Variants in TMEM17 observed in about 807,000 individuals in gnomAD.
The protein encoded by TMEM17 is transmembrane protein 17.
A neutral mutation model predicts 19.1 loss-of-function variants in TMEM17; 15 were observed. The ratio of observed to expected loss-of-function variants is 0.78; its 90% CI spans 0.52 to 1.21. The LOEUF is 1.21. Ranked by LOEUF, TMEM17 falls within the 50% of genes most tolerant of loss-of-function variation. The pLI, the probability that TMEM17 is intolerant of heterozygous loss-of-function variation, is 0.00. For missense variants in TMEM17, 245 were observed against 242.3 expected, an observed-to-expected ratio of 1.01 and a Z score of -0.07; for synonymous variants, 103 against 86.9, an observed-to-expected ratio of 1.19 and a Z score of -1.03.
At chr2:62,484,965 G>T in the TMEM17 span, among the ~76,000 whole-genome samples, 7 of 152,112 alleles carry the variant, frequency 4.6e-5, no homozygotes, top group Admixed American at 3.3e-4. Context: ...TTGAGACAGG[G>T]TTTCACCTGT....
chr2:62,503,132 A>G (rs1453661025), intron 1 of TMEM17, among the ~76,000 whole-genome samples: 1 of 152,230 alleles, frequency 6.6e-6, no homozygotes, highest in Non-Finnish European at 1.5e-5. Context: ...CTTTTGTAGA[A>G]TTCTATGTAA....
At chr2:62,492,273 C>G in the TMEM17 span, among the ~76,000 whole-genome samples, 1 of 152,156 alleles carries the variant, frequency 6.6e-6, no homozygotes, top group Non-Finnish European at 1.5e-5. Flanking sequence ...TGAGCAAGTT[C>G]CTTAACTTCT....
the TMEM17 span, among the ~76,000 whole-genome samples, chr2:62,482,631 A>T: frequency 1.3e-5 from 2 of 152,210 alleles, no homozygotes; most frequent in Non-Finnish European, 2.9e-5. Context: ...GCTGGGTCAA[A>T]CAGAAACTTC....
At chr2:62,485,345 T>C in the TMEM17 span, among the ~76,000 whole-genome samples, 10 of 152,232 alleles carry the variant, frequency 6.6e-5, no homozygotes, top group African/African-American at 2.4e-4. Flanking sequence ...CCCACTTCTT[T>C]CTCCCGAAAA....
chr2:62,468,808 G>C, the TMEM17 span, among the ~76,000 whole-genome samples: 2 of 152,228 alleles, frequency 1.3e-5, no homozygotes, highest in African/African-American at 4.8e-5. Context: ...TCAGAGAACT[G>C]GGGGATGGCT....
the TMEM17 span, among the ~76,000 whole-genome samples, chr2:62,457,434 T>C: frequency 5.3e-5 from 8 of 152,126 alleles, no homozygotes; most frequent in Non-Finnish European, 1.2e-4. This position sits in a 1 kb window ranked among gnomAD's most constrained non-coding sequence, Gnocchi z 4.2. Flanking sequence ...GAGCTGAGCC[T>C]GGGTTGGTAG....
At chr2:62,456,067 C>T in the TMEM17 span, among the ~76,000 whole-genome samples, 1 of 152,212 alleles carries the variant, frequency 6.6e-6, no homozygotes, top group Middle Eastern at 3.4e-3. Context: ...GGTCAATTTC[C>T]CTGGGAGGTG....
the TMEM17 span, among the ~76,000 whole-genome samples, chr2:62,494,872 C>T: frequency 2.0e-5 from 3 of 151,982 alleles, no homozygotes; most frequent in Non-Finnish European, 2.9e-5. Context: ...AAAAATTAAC[C>T]GGGCATGGTG....
the TMEM17 span, among the ~76,000 whole-genome samples, chr2:62,477,957 C>T: frequency 6.6e-6 from 1 of 152,224 alleles, no homozygotes; most frequent in African/African-American, 2.4e-5. Flanking sequence ...CTGCGGGGCT[C>T]CCCTGCCCTA....
chr2:62,480,996 G>T, the TMEM17 span, among the ~76,000 whole-genome samples: 53,057 of 151,814 alleles, frequency 0.35, 9,581 homozygotes, highest in South Asian at 0.49. Context: ...ATCTATAGGT[G>T]GCTTGGAGTA....
the TMEM17 span, among the ~76,000 whole-genome samples, chr2:62,479,507 T>C: frequency 6.6e-6 from 1 of 152,248 alleles, no homozygotes; most frequent in East Asian, 1.9e-4. Flanking sequence ...CATATCTTCA[T>C]ATCTTGGCTA....
chr2:62,504,369 A>T (rs1399757397), intron 1 of TMEM17, among the ~76,000 whole-genome samples: 4 of 152,250 alleles, frequency 2.6e-5, no homozygotes, highest in African/African-American at 9.6e-5. Context: ...ATTACAGTAC[A>T]AATAATCAAA....
chr2:62,461,323 TA>T, the TMEM17 span, among the ~76,000 whole-genome samples: 1 of 152,202 alleles, frequency 6.6e-6, no homozygotes, highest in African/African-American at 2.4e-5. Context: ...CTCAAAGACC[TA>T]AACAGATAGT....
chr2:62,469,985 C>T, the TMEM17 span, among the ~76,000 whole-genome samples: 2 of 152,206 alleles, frequency 1.3e-5, no homozygotes, highest in African/African-American at 4.8e-5. Flanking sequence ...CCCCATGTTC[C>T]CCGGGCCTTG....
chr2:62,464,318 T>C, the TMEM17 span, among the ~76,000 whole-genome samples: 1 of 152,366 alleles, frequency 6.6e-6, no homozygotes, highest in East Asian at 1.9e-4. Context: ...TGGATGCTGC[T>C]GCAGGGCCCT....
At chr2:62,488,493 G>GAA in the TMEM17 span, among the ~76,000 whole-genome samples, 14 of 119,186 alleles carry the variant, frequency 1.2e-4, no homozygotes, top group African/African-American at 2.5e-4. Flanking sequence ...GATGAGTTTT[G>GAA]AAAAAAAAAA....
intron 1 of TMEM17, among the ~76,000 whole-genome samples, chr2:62,503,908 G>A (rs1172667287): frequency 6.6e-6 from 1 of 152,190 alleles, no homozygotes; most frequent in Admixed American, 6.5e-5. Flanking sequence ...AACACTTTCT[G>A]CTTTTATGTA....
At chr2:62,470,579 C>T in the TMEM17 span, among the ~76,000 whole-genome samples, 1 of 152,216 alleles carries the variant, frequency 6.6e-6, no homozygotes, top group Admixed American at 6.5e-5. Context: ...CCTCCTTGGC[C>T]AGAGGCCCAG....
the TMEM17 span, among the ~76,000 whole-genome samples, chr2:62,458,841 G>A: frequency 6.6e-6 from 1 of 152,160 alleles, no homozygotes; most frequent in Admixed American, 6.5e-5. Context: ...GGATGTGTTT[G>A]TCCTCTCTAA....
Sources: allele counts gnomAD v4.1 joint callset (sites outside exome capture counted in the v4.1 genomes callset), GRCh38; gene constraint gnomAD v4.1.1; non-coding constraint Gnocchi (gnomAD v3.1); transcripts MANE v1.5; gene names NCBI Gene and HGNC (gene_info 2026-07-23, HGNC 2026-07-21).